PFKFB2: variants seen among roughly 807,000 people sequenced by gnomAD.
The protein encoded by PFKFB2 is 6-phosphofructo-2-kinase/fructose-2,6-bisphosphatase 2.
PFKFB2 carries 53 observed loss-of-function variants against 68.0 expected under a neutral mutation model. The observed-to-expected ratio is 0.78, with a 90% CI of 0.63 to 0.98. PFKFB2 has a LOEUF of 0.98. Among genes scored for constraint, PFKFB2 ranks in the 50% least tolerant of loss-of-function variants. The probability of loss-of-function intolerance (pLI) is 0.00; values close to 1 mark genes in which losing one functional copy is unlikely to be tolerated. For missense variants in PFKFB2, 451 were observed against 642.0 expected, an observed-to-expected ratio of 0.70 and a Z score of 3.22; for synonymous variants, 222 against 227.6, an observed-to-expected ratio of 0.98 and a Z score of 0.22.
chr1:207,056,457 A>T (rs1682925409), intron 2 of PFKFB2, among the ~76,000 whole-genome samples: 2 of 150,730 alleles, frequency 1.3e-5, no homozygotes, highest in Non-Finnish European at 1.5e-5. Context: ...GGGGGGCAGG[A>T]TCGATAATTG....
At chr1:207,050,989 C>T (rs1170202356), upstream of PFKFB2, 2 of 1,531,144 alleles carry the variant, frequency 1.3e-6, no homozygotes, top group African/African-American at 1.4e-5. Flanking sequence ...AACCAGGCGC[C>T]GGGTGGACTC....
At chr1:207,051,020 G>A (rs534842552), upstream of PFKFB2, 6 of 1,509,550 alleles carry the variant, frequency 4.0e-6, no homozygotes, top group East Asian at 1.5e-4. Context: ...ACCTTTAGCG[G>A]GGCCAAACAT....
intron 3 of PFKFB2, 123 bp from the exon 4 acceptor site, chr1:207,062,497 A>T (rs1683148263): frequency 6.2e-6 from 9 of 1,462,668 alleles, no homozygotes; most frequent in Non-Finnish European, 8.3e-6. Context: ...TATTGTTCCC[A>T]ACCTACCATG....
In PFKFB2 at chr1:207,077,537, C is replaced by A; in HGVS notation, c.*5166C>A. ...CAAAGGGCTGATCATACATGGTGCC[C>A]TTTGGGAAGGGGGATGGTGTGGGGC... On this transcript the variant is annotated 3_prime_UTR_variant, in exon 15 of 15. Transcript: ENST00000367080. 1.0e-6 allele frequency: 1 copy of A among 985,650 alleles called. No homozygotes were observed. The highest frequency in any genetic ancestry group is 1.2e-6 in the Non-Finnish European group (1 of 829,918). 61.1% of individuals were successfully genotyped at this position (985,650 alleles called of 1,614,324 possible).
In PFKFB2 at chr1:207,063,861, T is replaced by A; in HGVS notation, c.507+32T>A. The A allele has an allele frequency of 7.0e-7, 1 of 1,438,630 alleles. No homozygotes were observed. Among genetic ancestry groups the A allele is most frequent in the Non-Finnish European group, 9.7e-7 (1 of 1,025,816 alleles). The allele number at this position is 1,438,630 out of a possible 1,614,324, so 89.1% of individuals were successfully genotyped here. On this transcript the variant is annotated intron_variant, in intron 7 of 14. Transcript: ENST00000367080. The surrounding 1 kb of genome is among the most constrained non-coding windows in gnomAD (Gnocchi z 4.1). ...GACACCCCTACATATCATCTCCTCT[T>A]CACCTTTTGTGCTGTGTGTGTTGTG... is the stretch of plus-strand genomic sequence containing the variant.
chr1:207,072,384 G>A lies in PFKFB2; in HGVS notation c.*13G>A, dbSNP rs1683492505. 6.2e-7 allele frequency: 1 copy of A among 1,611,216 alleles called. No individual in the cohort carries two copies. Among genetic ancestry groups the A allele is most frequent in the African/African-American group, 1.3e-5 (1 of 74,850 alleles). ...AGGGGCCGACTAGCCGAAGACCCAA[G>A]TCAGCATTCCGGTGGTGTAACTGTG... On this transcript the variant is annotated 3_prime_UTR_variant, in exon 15 of 15. Transcript: ENST00000367080.
At chr1:207,034,886 T>C (rs1232048957) in intron 1 of PFKFB2, 1 of 152,374 alleles carries the variant, frequency 6.6e-6, no homozygotes, top group Admixed American at 6.5e-5. Flanking sequence ...CCATTCTCCA[T>C]GTACTTAAAT....
At chr1:207,080,812 T>G (rs1683743641), downstream of PFKFB2, 2 of 152,200 alleles carry the variant, frequency 1.3e-5, no homozygotes, top group Admixed American at 6.5e-5. Context: ...CGTAGATATC[T>G]GTCTTCTGTA....
Position 207,063,675 on chromosome 1 carries a change from G to A in PFKFB2, c.451-98G>A. 3 of 1,011,506 alleles carry A rather than the reference G, an allele frequency of 3.0e-6. No individual in the cohort carries two copies. Among genetic ancestry groups the A allele is most frequent in the Non-Finnish European group, 3.2e-6 (2 of 633,592 alleles). The allele number at this position is 1,011,506 out of a possible 1,614,324, so 62.7% of individuals were successfully genotyped here. A position where few individuals can be genotyped will look rare whatever the true frequency, so the allele number is the denominator to read the frequency against. ...GGGCCACTTTCATGAAGAAAATCCT[G>A]GGAGATGTGGTGGCTGGGTGGGGTA... On this transcript the variant is annotated intron_variant, in intron 6 of 14. Transcript: ENST00000367080. The surrounding 1 kb of genome is among the most constrained non-coding windows in gnomAD (Gnocchi z 4.1).
chr1:207,073,275 T>C lies in PFKFB2; in HGVS notation c.*904T>C, dbSNP rs1304095581. The C allele has an allele frequency of 2.0e-6, 2 of 984,970 alleles. No homozygotes were observed. Among genetic ancestry groups the C allele is most frequent in the African/African-American group, 3.5e-5 (2 of 57,222 alleles). The allele number at this position is 984,970 out of a possible 1,614,324, so 61.0% of individuals were successfully genotyped here. ...TGGGGTTTAGGAGAGTAGGGTGGGC[T>C]CTAGCTCTTGCAGGGCTCTTAGAGA... On this transcript the variant is annotated 3_prime_UTR_variant, in exon 15 of 15. Coordinates refer to ENST00000367080, the MANE Select transcript of PFKFB2 (RefSeq NM_006212.2).
intron 2 of PFKFB2, 78 bp from the exon 3 acceptor site, chr1:207,061,875 C>G (rs557977411): frequency 4.8e-6 from 6 of 1,247,578 alleles, no homozygotes; most frequent in Middle Eastern, 3.7e-4. Context: ...AGTGAGACTC[C>G]GTCTCAAAAA....
chr1:207,078,815 G>A (rs1004586268), downstream of PFKFB2: 14 of 705,348 alleles, frequency 2.0e-5, no homozygotes, highest in Admixed American at 2.0e-4. Flanking sequence ...GCACACCAGT[G>A]TGTTCATGCA....
upstream of PFKFB2, chr1:207,053,161 GC>G: frequency 6.6e-6 from 1 of 152,386 alleles, no homozygotes; most frequent in Non-Finnish European, 1.5e-5. Flanking sequence ...ACCCTGCCCC[GC>G]CCCCTGGGTC....
intron 2 of PFKFB2, chr1:207,044,470 A>C (rs1282924323): frequency 6.6e-6 from 1 of 152,538 alleles, no homozygotes; most frequent in Non-Finnish European, 1.5e-5. Context: ...GACTCATGTA[A>C]TCATATTAGA....
rs1199628759 is a variant in PFKFB2 at position 207,073,154 on chromosome 1, G to A, written c.*783G>A. ...TCATGAGAAACAGTTCTAAGTCTTC[G>A]ATGCCCTGGGAGAATCTGGCTCTGA... On this transcript the variant is annotated 3_prime_UTR_variant, in exon 15 of 15. Transcript: ENST00000367080. The A allele has an allele frequency of 1.2e-5, 12 of 985,386 alleles. No homozygotes were observed. Among genetic ancestry groups the A allele is most frequent in the Admixed American group, 6.1e-5 (1 of 16,272 alleles). 61.0% of individuals were successfully genotyped at this position (985,386 alleles called of 1,614,324 possible).
At chr1:207,049,552 C>T, upstream of PFKFB2, 1 of 1,614,166 alleles carries the variant, frequency 6.2e-7, no homozygotes, top group Non-Finnish European at 8.5e-7. Flanking sequence ...ATTCAAGACT[C>T]CTCCTTCGAC....
chr1:207,061,975 C>T lies in PFKFB2; in HGVS notation c.108C>T (p.Asn36=), dbSNP rs1683130860. 1 of 1,614,088 alleles carries T rather than the reference C, an allele frequency of 6.2e-7. No individual in the cohort carries two copies. Among genetic ancestry groups the T allele is most frequent in the African/African-American group, 1.3e-5 (1 of 74,948 alleles). The change falls in exon 3 of 15, where the codon AAC becomes AAT. Residue 36 remains asparagine (N), a synonymous_variant. Transcript: ENST00000367080. ...KKCSWASYMT[N]SPTLIVMIGL... ...TAGCATGGGCCTCCTACATGACCAA[C>T]TCCCCGACTCTGATCGTTATGATTG... is the stretch of plus-strand genomic sequence containing the variant.
intron 1 of PFKFB2, among the ~76,000 whole-genome samples, chr1:207,041,531 A>G (rs1231014163): frequency 1.3e-5 from 2 of 152,198 alleles, no homozygotes; most frequent in East Asian, 1.9e-4. Context: ...GATGGTTTCC[A>G]GCTTCATCCA....
chr1:207,063,831 T>C lies in PFKFB2; in HGVS notation c.507+2T>C. 1 of 1,610,440 alleles carries C rather than the reference T, an allele frequency of 6.2e-7. No homozygotes were observed. The highest frequency in any genetic ancestry group is 8.5e-7 in the Non-Finnish European group (1 of 1,176,970). On this transcript the variant is annotated splice_donor_variant, in intron 7 of 14. Coordinates refer to ENST00000367080, the MANE Select transcript of PFKFB2 (RefSeq NM_006212.2). LOFTEE classifies it high-confidence loss of function. This position sits in a 1 kb window ranked among gnomAD's most constrained non-coding sequence, Gnocchi z 4.1. ...GATGTCATTGCTGCCAATATTCTGG[T>C]TGGTGACACCCCTACATATCATCTC...
Sources: gnomAD v4.1 joint callset for allele counts (sites outside exome capture counted in the v4.1 genomes callset) on GRCh38, gnomAD v4.1.1 for gene constraint, Gnocchi (gnomAD v3.1) non-coding constraint, MANE v1.5 for transcripts, NCBI Gene and HGNC (gene_info 2026-07-23, HGNC 2026-07-21) for gene names.